KIAA1755: variants seen among roughly 807,000 people sequenced by gnomAD.
KIAA1755 encodes uncharacterized protein KIAA1755.
A neutral mutation model predicts 91.7 loss-of-function variants in KIAA1755; 68 were observed. That is an observed-to-expected ratio of 0.74 (90% confidence interval 0.61 to 0.91). The LOEUF is 0.91. KIAA1755 is among the 40% of genes least tolerant of loss of function. KIAA1755 has a pLI of 0.00. For missense variants in KIAA1755, 1,535 were observed against 1,494.4 expected, an observed-to-expected ratio of 1.03 and a Z score of -0.45; for synonymous variants, 610 against 604.6, an observed-to-expected ratio of 1.01 and a Z score of -0.13.
intron 5 of KIAA1755, among the ~76,000 whole-genome samples, chr20:38,229,912 T>A (rs2075829937): frequency 6.6e-6 from 1 of 152,088 alleles, no homozygotes; most frequent in South Asian, 2.1e-4. Context: ...GAAAAGCCAC[T>A]CCACCTTGGA....
chr20:38,228,746 G>A (rs2075805870), intron 5 of KIAA1755, among the ~76,000 whole-genome samples: 1 of 152,062 alleles, frequency 6.6e-6, no homozygotes, highest in Admixed American at 6.5e-5. Flanking sequence ...AGGGAAAGAG[G>A]CTTCTGGGAA....
chr20:38,219,513 C>T lies in KIAA1755; in HGVS notation c.2556+117G>A, dbSNP rs1410371037. On this transcript the variant is annotated intron_variant, in intron 11 of 13. Coordinates refer to ENST00000279024, the MANE Select transcript of KIAA1755 (RefSeq NM_001029864.2). ...TGCCTGGCCTTTGAAGGATCGCCAG[C>T]TTGGTGTCCTTTCTCCAGAACAAAG... 2.2e-6 allele frequency: 3 copies of T among 1,394,586 alleles called. No homozygotes were observed. The African/African-American group carries it at 4.3e-5, about 20-fold the overall frequency. 86.4% of individuals were successfully genotyped at this position (1,394,586 alleles called of 1,614,324 possible).
intron 4 of KIAA1755, among the ~76,000 whole-genome samples, chr20:38,235,993 G>A (rs2075953736): frequency 6.6e-6 from 1 of 152,232 alleles, no homozygotes; most frequent in African/African-American, 2.4e-5. Flanking sequence ...AACTCCAACA[G>A]AGGCCGGTGT....
rs1162883859 is a variant in KIAA1755, at chr20:38,260,638, C to T, written c.-138G>A. 3.9e-6 allele frequency: 4 copies of T among 1,034,434 alleles called. No individual in the cohort carries two copies. Among genetic ancestry groups the T allele is most frequent in the East Asian group, 3.1e-5 (1 of 32,580 alleles). The allele number at this position is 1,034,434 out of a possible 1,614,324, so 64.1% of individuals were successfully genotyped here. ...AGGGGATAGGGCAGGCCCGGGGCAC[C>T]GACCCCGGCGTCATCTCGGAGGAGC... On this transcript the variant is annotated 5_prime_UTR_variant, in exon 1 of 14. Transcript: ENST00000279024.
At position 38,212,812 on chromosome 20, in the gene KIAA1755, G is replaced by C; in HGVS notation, c.*230C>G. The C allele has an allele frequency of 2.1e-6, 1 of 480,416 alleles. No homozygotes were observed. The highest frequency in any genetic ancestry group is 3.7e-6 in the Non-Finnish European group (1 of 271,176). The allele number at this position is 480,416 out of a possible 1,614,324, so 29.8% of individuals were successfully genotyped here. On this transcript the variant is annotated 3_prime_UTR_variant, in exon 14 of 14. Coordinates refer to ENST00000279024, the MANE Select transcript of KIAA1755 (RefSeq NM_001029864.2). ...CCAATCACACCATTTATTGTGCCCT[G>C]GTTCTGACGCCCACTCTTGCTATTC...
chr20:38,227,159 C>T lies in KIAA1755; in HGVS notation c.2047G>A (p.Val683Ile), dbSNP rs1474434377. Residue 683 changes from valine to isoleucine, a missense_variant, in exon 7 of 14, where the codon GTC becomes ATC. By Grantham distance (29) the Val-to-Ile change is conservative. Transcript: ENST00000279024. ...AALQLQTLPD[V>I]QVEVLTSLKA... ...CGACCCTGAGTCCCCCTCACCTGGA[C>T]GTCAGGTAATGTCTGCAGCTGGAGA... 6.8e-6 allele frequency: 11 copies of T among 1,612,518 alleles called. No individual in the cohort carries two copies. The highest frequency in any genetic ancestry group is 3.3e-5 in the South Asian group (3 of 91,020).
chr20:38,239,685 G>A lies in KIAA1755; in HGVS notation c.1590C>T (p.Ala530=). ...TQTKTSGPAT[A]PSPLTEEKAA... is the part of the protein sequence containing the mutation. ...CCTTTTCCTCAGTCAGTGGGCTGGG[G>A]GCAGTGGCTGGGCCAGATGTTTTGG... Residue 530 remains alanine, a synonymous_variant, in exon 4 of 14, where the codon GCC becomes GCT. Coordinates refer to ENST00000279024, the MANE Select transcript of KIAA1755 (RefSeq NM_001029864.2). The A allele has an allele frequency of 6.2e-7, 1 of 1,612,384 alleles. No individual in the cohort carries two copies. The highest frequency in any genetic ancestry group is 8.5e-7 in the Non-Finnish European group (1 of 1,179,714).
In KIAA1755 at chr20:38,239,457, C is replaced by G. The variant is rs944714664; in HGVS notation, c.1747+71G>C. 40 of 1,408,702 alleles carry G rather than the reference C, an allele frequency of 2.8e-5. No homozygotes were observed. In the Admixed American group the frequency reaches 2.9e-4, roughly 10 times the overall value. The allele number at this position is 1,408,702 out of a possible 1,614,324, so 87.3% of individuals were successfully genotyped here. ...GGGCATTCCCTGCCTCCCCTCCACC[C>G]AACAGCAGCTGAAGATGCTCTGGGG... is the stretch of plus-strand genomic sequence containing the variant. On this transcript the variant is annotated intron_variant, in intron 4 of 13. Coordinates refer to ENST00000279024, the MANE Select transcript of KIAA1755 (RefSeq NM_001029864.2).
chr20:38,257,667 G>A (rs1402386162), intron 1 of KIAA1755, among the ~76,000 whole-genome samples: 1 of 150,400 alleles, frequency 6.6e-6, no homozygotes, highest in East Asian at 2.0e-4. Flanking sequence ...ATAGATTGAT[G>A]TGAAATCACA....
intron 2 of KIAA1755, among the ~76,000 whole-genome samples, chr20:38,244,338 T>C (rs1422086937): frequency 1.3e-5 from 2 of 152,248 alleles, no homozygotes; most frequent in Admixed American, 6.5e-5. Context: ...TATTGAGCTA[T>C]GATCTATGAG....
chr20:38,241,798 G>A lies in KIAA1755; in HGVS notation c.333C>T (p.Pro111=). ...RQGDFYLQVE[P]QEEQSVCIMI... ...TGATGCAGACAGACTGCTCCTCCTGGGGCTCCACTTGGAGGTAGAAGTCAC... is the reference window on the plus strand; with the variant it reads ...TGATGCAGACAGACTGCTCCTCCTGAGGCTCCACTTGGAGGTAGAAGTCAC... Residue 111 remains proline, a synonymous_variant, in exon 3 of 14, where the codon CCC becomes CCT. Coordinates refer to ENST00000279024, the MANE Select transcript of KIAA1755 (RefSeq NM_001029864.2). 6.2e-7 allele frequency: 1 copy of A among 1,614,150 alleles called. No homozygotes were observed. Among genetic ancestry groups the A allele is most frequent in the South Asian group, 1.1e-5 (1 of 91,078 alleles).
At chr20:38,243,052 C>T (rs1344762519) in intron 2 of KIAA1755, among the ~76,000 whole-genome samples, 2 of 152,164 alleles carry the variant, frequency 1.3e-5, no homozygotes, top group Non-Finnish European at 2.9e-5. Flanking sequence ...TCAACAGTGA[C>T]ACCATGTGGC....
At chr20:38,255,347 C>T (rs1284307322) in intron 1 of KIAA1755, among the ~76,000 whole-genome samples, 1 of 152,036 alleles carries the variant, frequency 6.6e-6, no homozygotes, top group Non-Finnish European at 1.5e-5. Flanking sequence ...TGGAGATAGT[C>T]AGCCTCAGCA....
intron 1 of KIAA1755, among the ~76,000 whole-genome samples, chr20:38,253,760 G>A (rs2076292086): frequency 6.6e-6 from 1 of 152,182 alleles, no homozygotes; most frequent in Non-Finnish European, 1.5e-5. Flanking sequence ...AGCTTGTATA[G>A]CTTTTATAAT....
chr20:38,241,413 T>C lies in KIAA1755; in HGVS notation c.718A>G (p.Thr240Ala), dbSNP rs755028344. The change falls in exon 3 of 14, where the codon ACA becomes GCA. Residue 240 changes from threonine to alanine, a missense_variant. Transcript: ENST00000279024. ...AGTCCTGGATACTTGCTCCCATATG[T>C]CCTGCCCTTACCCTTGGCCAAACTC... ...AQSLAKGKGR[T>A]YGSKYPGLIK... 6.2e-6 allele frequency: 10 copies of C among 1,614,094 alleles called. No individual in the cohort carries two copies. Among genetic ancestry groups the C allele is most frequent in the Non-Finnish European group, 8.5e-6 (10 of 1,180,030 alleles).
intron 4 of KIAA1755, among the ~76,000 whole-genome samples, chr20:38,235,069 G>A (rs1453692888): frequency 1.3e-5 from 2 of 152,066 alleles, no homozygotes; most frequent in Non-Finnish European, 2.9e-5. Context: ...CCAAGTTTGG[G>A]GAGGGAGGAA....
chr20:38,238,235 T>G lies in KIAA1755; in HGVS notation c.1747+1293A>C, dbSNP rs554228770. ...CCTAAGAGGATCATGAGATCCTTTGTGTACAATTAATATGGAACAAACAGC... is the reference window on the plus strand; with the variant it reads ...CCTAAGAGGATCATGAGATCCTTTGGGTACAATTAATATGGAACAAACAGC... On this transcript the variant is annotated intron_variant, in intron 4 of 13. Coordinates refer to ENST00000279024, the MANE Select transcript of KIAA1755 (RefSeq NM_001029864.2). Among the ~76,000 whole-genome samples, 3 of 152,272 alleles carry G rather than the reference T, an allele frequency of 2.0e-5. No individual in the cohort carries two copies. The South Asian group carries it at 6.2e-4, about 32-fold the overall frequency.
chr20:38,249,888 C>G (rs766256800), intron 1 of KIAA1755, among the ~76,000 whole-genome samples: 18 of 152,148 alleles, frequency 1.2e-4, no homozygotes, highest in Non-Finnish European at 2.4e-4. Context: ...GGTGCCCTCC[C>G]CACTCCCTCC....
chr20:38,231,476 T>A, intron 4 of KIAA1755, 151 bp from the exon 5 acceptor site: 1 of 929,762 alleles, frequency 1.1e-6, no homozygotes, highest in Non-Finnish European at 1.6e-6. Context: ...GACTTCTACT[T>A]ATCCTTCAAG....
Sources: allele counts gnomAD v4.1 joint callset (sites outside exome capture counted in the v4.1 genomes callset), GRCh38; gene constraint gnomAD v4.1.1; transcripts MANE v1.5; gene names NCBI Gene and HGNC (gene_info 2026-07-23, HGNC 2026-07-21).